Variants in KAT2A observed in about 807,000 individuals in gnomAD.
KAT2A encodes histone acetyltransferase KAT2A.
KAT2A carries 42 observed loss-of-function variants against 95.2 expected under a neutral mutation model. The observed-to-expected ratio is 0.44, with a 90% CI of 0.34 to 0.57. The LOEUF (loss-of-function observed/expected upper bound fraction) is 0.57. Among genes scored for constraint, KAT2A ranks in the 20% least tolerant of loss-of-function variants. KAT2A has a pLI of 0.01. For missense variants in KAT2A, 784 were observed against 1,126.3 expected (o/e 0.70, Z 4.35); for synonymous variants, 449 against 448.2 (o/e 1.00, Z -0.02).
chr17:42,118,373 A>G lies in KAT2A; in HGVS notation c.1104T>C (p.Tyr368=), dbSNP rs1555666577. 2 of 1,613,346 alleles carry G rather than the reference A, an allele frequency of 1.2e-6. No homozygotes were observed. Among genetic ancestry groups the G allele is most frequent in the African/African-American group, 1.3e-5 (1 of 75,040 alleles). Residue 368 remains tyrosine (Y), a synonymous_variant, in exon 7 of 18, where the codon TAT becomes TAC. Transcript: ENST00000225916. ...KFLSMLEEEI[Y]GANSPIWESG... ...ACTCCCAGATTGGAGAGTTTGCCCC[A>G]TAGATCTCCTCCTCCAGCATGGACA...
At position 42,114,211 on chromosome 17, in the gene KAT2A, C is replaced by A; in HGVS notation, c.2235+8G>T. On this transcript the variant is annotated splice_region_variant and intron_variant, in intron 16 of 17. Transcript: ENST00000225916. The surrounding 1 kb of genome is among the most constrained non-coding windows in gnomAD (Gnocchi z 6.0). Reference sequence around the variant, plus strand: ...AGGGGCCCTGGAAAGGAAACCTGGTCTCCCCACCTTGATTTGGGCCAGCAG... The same window carrying A: ...AGGGGCCCTGGAAAGGAAACCTGGTATCCCCACCTTGATTTGGGCCAGCAG... 1 of 1,592,790 alleles carries A rather than the reference C, an allele frequency of 6.3e-7. No homozygotes were observed. Among genetic ancestry groups the A allele is most frequent in the Non-Finnish European group, 8.6e-7 (1 of 1,168,728 alleles).
Position 42,119,583 on chromosome 17 carries a change from T to G in KAT2A, c.835A>C (p.Arg279=). The G allele has an allele frequency of 1.9e-6, 3 of 1,612,148 alleles. No individual in the cohort carries two copies. The highest frequency in any genetic ancestry group is 4.5e-5 in the East Asian group (2 of 44,852). ...KLETPAQFRQ[R]SQAEDVATYK... ...GTAGCCACGTCCTCAGCCTGAGACC[T>G]CTGCCGAAACTGGGCAGGTGTCTCA... Residue 279 remains arginine, a synonymous_variant, in exon 5 of 18, where the codon AGG becomes CGG. Coordinates refer to ENST00000225916, the MANE Select transcript of KAT2A (RefSeq NM_021078.3). The surrounding 1 kb of genome is among the most constrained non-coding windows in gnomAD (Gnocchi z 5.3).
Position 42,117,071 on chromosome 17 carries a change from A to T in KAT2A, c.1728T>A (p.Ile576=), listed in dbSNP as rs151175267. The change falls in exon 11 of 18, where the codon ATT becomes ATA. Residue 576 remains isoleucine (I), a synonymous_variant. Coordinates refer to ENST00000225916, the MANE Select transcript of KAT2A (RefSeq NM_021078.3). The surrounding 1 kb of genome is among the most constrained non-coding windows in gnomAD (Gnocchi z 8.9). ...CATTCGAGGTGACAGCACAGAAGAC[A>T]ATCTCCGTGAAGCCCTGGGTGGGAA... ...RMFPTQGFTE[I]VFCAVTSNEQ... is the part of the protein sequence containing the mutation. The T allele has an allele frequency of 2.6e-3, 4,136 of 1,614,134 alleles. 15 individuals are homozygous for T. Among genetic ancestry groups the T allele is most frequent in the Non-Finnish European group, 2.9e-3 (3,391 of 1,180,024 alleles).
Position 42,119,508 on chromosome 17 carries a change from C to G in KAT2A, c.881+29G>C, listed in dbSNP as rs2054306327. The stretch of plus-strand genomic sequence containing the variant: ...GAACCCAGGCTGGGCCTGCAAGCCT[C>G]CCCCGAAGCTGCCCCTGGCTGGGCC... On this transcript the variant is annotated intron_variant, in intron 5 of 17. Transcript: ENST00000225916. This position sits in a 1 kb window ranked among gnomAD's most constrained non-coding sequence, Gnocchi z 5.3. 1 of 1,580,570 alleles carries G rather than the reference C, an allele frequency of 6.3e-7. No homozygotes were observed. Among genetic ancestry groups the G allele is most frequent in the Admixed American group, 1.8e-5 (1 of 57,054 alleles).
chr17:42,120,547 G>A (rs552519947), intron 2 of KAT2A, among the ~76,000 whole-genome samples, 159 bp downstream of exon 2: 76 of 152,278 alleles, frequency 5.0e-4, no homozygotes, highest in African/African-American at 1.7e-3. Flanking sequence ...TGGGCTGAGA[G>A]ATTTCCTTTC....
chr17:42,119,024 G>A lies in KAT2A; in HGVS notation c.1073+221C>T. ...AACATCTACTGGGGCGTAGGGTCGG[G>A]TGGGGGCAGCGTTAGCTTGGGCTAT... On this transcript the variant is annotated intron_variant, in intron 6 of 17. Transcript: ENST00000225916. The surrounding 1 kb of genome is among the most constrained non-coding windows in gnomAD (Gnocchi z 5.3). 5 of 1,375,934 alleles carry A rather than the reference G, an allele frequency of 3.6e-6. No homozygotes were observed. Among genetic ancestry groups the A allele is most frequent in the Non-Finnish European group, 4.7e-6 (5 of 1,067,318 alleles). The allele number at this position is 1,375,934 out of a possible 1,614,324, so 85.2% of individuals were successfully genotyped here. A position where few individuals can be genotyped will look rare whatever the true frequency, so the allele number is the denominator to read the frequency against.
chr17:42,121,329 C>G lies in KAT2A; in HGVS notation c.-25G>C. On this transcript the variant is annotated 5_prime_UTR_variant, in exon 1 of 18. Transcript: ENST00000225916. ...TGGCCTCCCCCGCAGCGGAGAGCGG[C>G]GCCGCGCTCCCAGCCCTAGGGCCGC... The G allele has an allele frequency of 7.3e-7, 1 of 1,363,880 alleles. No homozygotes were observed. The highest frequency in any genetic ancestry group is 9.4e-7 in the Non-Finnish European group (1 of 1,065,798). 84.5% of individuals were successfully genotyped at this position (1,363,880 alleles called of 1,614,324 possible).
Position 42,121,001 on chromosome 17 carries a change from T to C in KAT2A, c.304A>G (p.Lys102Glu). 1.3e-6 allele frequency: 2 copies of C among 1,594,276 alleles called. No homozygotes were observed. The highest frequency in any genetic ancestry group is 1.7e-6 in the Non-Finnish European group (2 of 1,171,878). Residue 102 changes from lysine to glutamate, a missense_variant, in exon 1 of 18, where the codon AAG (lysine) becomes GAG (glutamate). Physicochemically the swap from Lys to Glu is moderately conservative, Grantham distance 56. Coordinates refer to ENST00000225916, the MANE Select transcript of KAT2A (RefSeq NM_021078.3). ...AQVRGLPRAK[K>E]LEKLGVFSAC... Reference sequence around the variant, plus strand: ...GAGAAGACCCCTAGCTTCTCAAGCTTCTTGGCGCGCGGCAGCCCCCGGACT... The same window carrying C: ...GAGAAGACCCCTAGCTTCTCAAGCTCCTTGGCGCGCGGCAGCCCCCGGACT...
rs1326377756 is a variant in KAT2A, at chr17:42,117,367, G to A, written c.1637+21C>T. 8 of 1,611,226 alleles carry A rather than the reference G, an allele frequency of 5.0e-6. No homozygotes were observed. The highest frequency in any genetic ancestry group is 6.8e-6 in the Non-Finnish European group (8 of 1,178,092). ...GAACTGGGTGTGCTGCCCTGGGGGA[G>A]GGGCTCTCTGGGGGACGCACGGGTC... On this transcript the variant is annotated intron_variant, in intron 10 of 17. Transcript: ENST00000225916. The surrounding 1 kb of genome is among the most constrained non-coding windows in gnomAD (Gnocchi z 8.9).
Position 42,114,425 on chromosome 17 carries a change from A to C in KAT2A, c.2135-31T>G, listed in dbSNP as rs782385080. 6.2e-7 allele frequency: 1 copy of C among 1,613,862 alleles called. No homozygotes were observed. The highest frequency in any genetic ancestry group is 1.7e-5 in the Admixed American group (1 of 60,004). Reference sequence around the variant, plus strand: ...AAGTGGGAAGTGGGAGAATGTCTCTAAGAATGCCAGTCCACACCCCAAGCA... The same window carrying C: ...AAGTGGGAAGTGGGAGAATGTCTCTCAGAATGCCAGTCCACACCCCAAGCA... On this transcript the variant is annotated intron_variant, in intron 14 of 17. Coordinates refer to ENST00000225916, the MANE Select transcript of KAT2A (RefSeq NM_021078.3). This position sits in a 1 kb window ranked among gnomAD's most constrained non-coding sequence, Gnocchi z 6.0.
intron 11 of KAT2A, 147 bp downstream of exon 11, chr17:42,116,887 GC>G (rs2054265800): frequency 2.1e-6 from 2 of 958,852 alleles, no homozygotes; most frequent in Admixed American, 2.1e-5. Context: ...TCAAAGTACG[GC>G]TGCCACCTTG....
rs142273465 is a variant in KAT2A at position 42,117,538 on chromosome 17, C to T, written c.1487G>A (p.Arg496His). 3 of 1,613,450 alleles carry T rather than the reference C, an allele frequency of 1.9e-6. No individual in the cohort carries two copies. The highest frequency in any genetic ancestry group is 2.5e-6 in the Non-Finnish European group (3 of 1,180,030). Residue 496 changes from arginine (R) to histidine (H), a missense_variant, in exon 10 of 18, where the codon CGC becomes CAC. Around this residue, in one of 6 missense-constraint regions of KAT2A, gnomAD observed 174 missense variants for 324.9 expected, o/e 0.54. Transcript: ENST00000225916. The surrounding 1 kb of genome is among the most constrained non-coding windows in gnomAD (Gnocchi z 8.9). ...GATGACATGGAACTCGATGATGCCGCGGCGCTCCTCCAGGCGGGCTGTCTC... is the reference window on the plus strand; with the variant it reads ...GATGACATGGAACTCGATGATGCCGTGGCGCTCCTCCAGGCGGGCTGTCTC... Reference protein sequence around the residue: ...RDETARLEERRGIIEFHVIGN... With the variant: ...RDETARLEERHGIIEFHVIGN...
chr17:42,116,914 C>T lies in KAT2A; in HGVS notation c.1764+121G>A, dbSNP rs2054266123. On this transcript the variant is annotated intron_variant, in intron 11 of 17. Coordinates refer to ENST00000225916, the MANE Select transcript of KAT2A (RefSeq NM_021078.3). ...TGCCACCTTGTGGGGATGTGAGGAACGGGCCGCTAACTAAGAGAAGAGCAA... is the reference window on the plus strand; with the variant it reads ...TGCCACCTTGTGGGGATGTGAGGAATGGGCCGCTAACTAAGAGAAGAGCAA... 9 of 1,225,378 alleles carry T rather than the reference C, an allele frequency of 7.3e-6. No individual in the cohort carries two copies. In the Admixed American group the frequency reaches 7.7e-5, roughly 11 times the overall value. The allele number at this position is 1,225,378 out of a possible 1,614,324, so 75.9% of individuals were successfully genotyped here.
At chr17:42,115,676 C>CCCAGCCT in intron 12 of KAT2A, 47 bp downstream of exon 12, 1 of 1,226,780 alleles carries the variant, frequency 8.2e-7, no homozygotes, top group Non-Finnish European at 1.2e-6. Context: ...ACAGAATTAC[C>CCCAGCCT]CCAGCCTCCA....
chr17:42,114,128 G>A lies in KAT2A; in HGVS notation c.2236-44C>T, dbSNP rs1463533555. The A allele has an allele frequency of 1.0e-5, 16 of 1,568,142 alleles. No homozygotes were observed. Among genetic ancestry groups the A allele is most frequent in the Middle Eastern group, 3.4e-4 (2 of 5,916 alleles). ...CTGGGGACAGCCCTGCTGCGCCCAC[G>A]CCAGCCCGAGACCACTACCCACCCC... On this transcript the variant is annotated intron_variant, in intron 16 of 17. Transcript: ENST00000225916. This position sits in a 1 kb window ranked among gnomAD's most constrained non-coding sequence, Gnocchi z 6.0.
chr17:42,119,558 G>C lies in KAT2A; in HGVS notation c.860C>G (p.Thr287Ser), dbSNP rs2054307441. The C allele has an allele frequency of 1.2e-6, 2 of 1,600,580 alleles. No homozygotes were observed. The highest frequency in any genetic ancestry group is 8.5e-7 in the Non-Finnish European group (1 of 1,172,826). Residue 287 changes from threonine (T) to serine (S), a missense_variant, in exon 5 of 18, where the codon ACC (threonine) becomes AGC (serine). Physicochemically the swap from Thr to Ser is moderately conservative, Grantham distance 58 (BLOSUM62 1). Around this residue, in one of 6 missense-constraint regions of KAT2A, gnomAD observed 208 missense variants for 339.7 expected, o/e 0.61. Transcript: ENST00000225916. The surrounding 1 kb of genome is among the most constrained non-coding windows in gnomAD (Gnocchi z 5.3). Reference protein sequence around the residue: ...RQRSQAEDVATYKVNYTRWLC... With the variant: ...RQRSQAEDVASYKVNYTRWLC... ...CTACCTGGTGTAATTGACCTTGTAG[G>C]TAGCCACGTCCTCAGCCTGAGACCT...
intron 6 of KAT2A, 70 bp from the exon 7 acceptor site, chr17:42,118,473 G>C: frequency 9.2e-7 from 1 of 1,092,618 alleles, no homozygotes; most frequent in South Asian, 1.3e-5. Context: ...GCAGCAGAGG[G>C]ACTGGAGGCT....
chr17:42,113,968 G>A (rs1160511413), intron 17 of KAT2A, 32 bp downstream of exon 17: 7 of 1,495,554 alleles, frequency 4.7e-6, no homozygotes, highest in African/African-American at 2.8e-5. Context: ...GGACAGAAGA[G>A]GAGGGAAGGG....
rs372177431 is a variant in KAT2A, at chr17:42,118,360, G to C, written c.1117C>G (p.Pro373Ala). Residue 373 changes from proline (P) to alanine (A), a missense_variant, in exon 7 of 18, where the codon CCA becomes GCA. Around this residue, in one of 6 missense-constraint regions of KAT2A, gnomAD observed 63 missense variants for 70.1 expected, o/e 0.90. Coordinates refer to ENST00000225916, the MANE Select transcript of KAT2A (RefSeq NM_021078.3). Reference protein sequence around the residue: ...LEEEIYGANSPIWESGFTMPP... With the variant: ...LEEEIYGANSAIWESGFTMPP... Reference sequence around the variant, plus strand: ...ATGGTGAAGCCTGACTCCCAGATTGGAGAGTTTGCCCCATAGATCTCCTCC... The same window carrying C: ...ATGGTGAAGCCTGACTCCCAGATTGCAGAGTTTGCCCCATAGATCTCCTCC... 1 of 1,614,020 alleles carries C rather than the reference G, an allele frequency of 6.2e-7. No individual in the cohort carries two copies. The highest frequency in any genetic ancestry group is 1.1e-5 in the South Asian group (1 of 91,088).
Sources: allele counts gnomAD v4.1 joint callset (sites outside exome capture counted in the v4.1 genomes callset), GRCh38; gene constraint gnomAD v4.1.1; regional missense constraint gnomAD v4.1.1; non-coding constraint Gnocchi (gnomAD v3.1); transcripts MANE v1.5; gene names NCBI Gene and HGNC (gene_info 2026-07-23, HGNC 2026-07-21).